NDUFS4: variants seen among roughly 807,000 people sequenced by gnomAD.
The protein encoded by NDUFS4 is NADH dehydrogenase [ubiquinone] iron-sulfur protein 4, mitochondrial.
NDUFS4 carries 28 observed loss-of-function variants against 24.3 expected under a neutral mutation model. The ratio of observed to expected loss-of-function variants is 1.15; its 90% CI spans 0.85 to 1.58. The LOEUF is 1.58. NDUFS4 is among the 40% of genes most tolerant of loss of function. NDUFS4 has a pLI of 0.00. For missense variants in NDUFS4, 223 were observed against 207.9 expected (o/e 1.07, Z -0.45); for synonymous variants, 93 against 69.7 (o/e 1.34, Z -1.67).
intron 4 of NDUFS4, among the ~76,000 whole-genome samples, chr5:53,669,286 C>T (rs576330428): frequency 6.6e-6 from 1 of 152,274 alleles, no homozygotes; most frequent in Admixed American, 6.5e-5. Context: ...CAAAGTTCTT[C>T]ACAATATAGG....
At chr5:53,560,815 G>C (rs1311306086) in intron 1 of NDUFS4, 55 bp downstream of exon 1, 1 of 1,611,508 alleles carries the variant, frequency 6.2e-7, no homozygotes, top group Admixed American at 1.7e-5. Context: ...CATTTTTGCG[G>C]AGTCTCTGCT....
chr5:53,617,361 A>G (rs1750872770), intron 2 of NDUFS4, among the ~76,000 whole-genome samples: 1 of 151,942 alleles, frequency 6.6e-6, no homozygotes, highest in Non-Finnish European at 1.5e-5. Flanking sequence ...TTTGCTGACT[A>G]TGTAGCTGTA....
intron 1 of NDUFS4, among the ~76,000 whole-genome samples, chr5:53,598,794 A>G (rs552761942): frequency 2.0e-4 from 30 of 152,344 alleles, no homozygotes; most frequent in African/African-American, 6.5e-4. Context: ...TTTTCAGGAT[A>G]TCTCTTTTTC....
intron 3 of NDUFS4, among the ~76,000 whole-genome samples, chr5:53,653,607 A>G (rs1219622948): frequency 6.6e-6 from 1 of 152,102 alleles, no homozygotes; most frequent in Non-Finnish European, 1.5e-5. Context: ...TAAGCGAGGA[A>G]TGTTACCAGT....
At chr5:53,610,728 A>T (rs1464113412) in intron 2 of NDUFS4, among the ~76,000 whole-genome samples, 1 of 152,154 alleles carries the variant, frequency 6.6e-6, no homozygotes, top group Non-Finnish European at 1.5e-5. Flanking sequence ...TTTCTGGGTT[A>T]AACATCGCCA....
At chr5:53,603,654 C>A in intron 2 of NDUFS4, 124 bp downstream of exon 2, 5 of 719,430 alleles carry the variant, frequency 6.9e-6, no homozygotes, top group South Asian at 6.5e-5. Flanking sequence ...CTAGATTATA[C>A]CTAAATTTTA....
rs372569034 is a variant in NDUFS4, at chr5:53,629,900, G to C, written c.178-16333G>C. On this transcript the variant is annotated intron_variant, in intron 2 of 4. Transcript: ENST00000296684. ...ACATTTAAGGTTAATATTGTTATGT[G>C]TGAATTTGATCCTGTCATTATGATG... Among the ~76,000 whole-genome samples, 8 of 152,254 alleles carry C rather than the reference G, an allele frequency of 5.3e-5. No individual in the cohort carries two copies. The South Asian group carries it at 1.7e-3, about 32-fold the overall frequency.
intron 4 of NDUFS4, among the ~76,000 whole-genome samples, chr5:53,665,365 A>T (rs1752481851): frequency 1.3e-5 from 2 of 152,282 alleles, no homozygotes; most frequent in Middle Eastern, 3.4e-3. Context: ...TCAGACAGGG[A>T]CATTTAAGTC....
At chr5:53,678,456 G>T (rs567962375) in intron 4 of NDUFS4, among the ~76,000 whole-genome samples, 1 of 152,258 alleles carries the variant, frequency 6.6e-6, no homozygotes, top group African/African-American at 2.4e-5. Flanking sequence ...TATCCCTAGG[G>T]CAGCTGTCTT....
intron 4 of NDUFS4, among the ~76,000 whole-genome samples, chr5:53,665,480 C>T (rs940325982): frequency 1.3e-5 from 2 of 152,216 alleles, no homozygotes; most frequent in East Asian, 1.9e-4. Flanking sequence ...CCACCCAGTT[C>T]GAGCTTCCTG....
chr5:53,589,540 C>T (rs1472289015), intron 1 of NDUFS4, among the ~76,000 whole-genome samples: 2 of 152,190 alleles, frequency 1.3e-5, no homozygotes, highest in African/African-American at 4.8e-5. Flanking sequence ...AAGTTACGTT[C>T]CTACACCTAA....
At chr5:53,627,993 A>T (rs912199000) in intron 2 of NDUFS4, among the ~76,000 whole-genome samples, 2 of 152,208 alleles carry the variant, frequency 1.3e-5, no homozygotes, top group Non-Finnish European at 2.9e-5. Flanking sequence ...GTTTTTGCCC[A>T]TTCAGTATGA....
intron 1 of NDUFS4, among the ~76,000 whole-genome samples, chr5:53,601,478 T>G (rs542590286): frequency 2.0e-5 from 3 of 152,196 alleles, no homozygotes; most frequent in African/African-American, 7.2e-5. Context: ...AATTAGGACA[T>G]AATCGTTTTA....
chr5:53,598,039 A>G (rs1361474463), intron 1 of NDUFS4, among the ~76,000 whole-genome samples: 1 of 152,232 alleles, frequency 6.6e-6, no homozygotes, highest in Non-Finnish European at 1.5e-5. Flanking sequence ...ATTACAAATT[A>G]AAACAACAAT....
intron 1 of NDUFS4, among the ~76,000 whole-genome samples, chr5:53,572,226 A>G (rs1340063302): frequency 1.3e-5 from 2 of 152,182 alleles, no homozygotes; most frequent in Admixed American, 6.5e-5. Context: ...CTGACTGACC[A>G]TTTGTCTTCA....
At chr5:53,677,891 T>C (rs1740529257) in intron 4 of NDUFS4, among the ~76,000 whole-genome samples, 1 of 152,214 alleles carries the variant, frequency 6.6e-6, no homozygotes, top group African/African-American at 2.4e-5. Flanking sequence ...GATTAGGTTA[T>C]TAGAGAAGAC....
chr5:53,658,803 A>C (rs201030670), intron 4 of NDUFS4, 179 bp downstream of exon 4: 8 of 582,300 alleles, frequency 1.4e-5, no homozygotes, highest in East Asian at 8.7e-5. Flanking sequence ...AAAAAAAAAA[A>C]ACCTAAATTG....
Position 53,631,734 on chromosome 5 carries a change from C to G in NDUFS4, c.178-14499C>G, listed in dbSNP as rs529087477. On this transcript the variant is annotated intron_variant, in intron 2 of 4. Transcript: ENST00000296684. Reference sequence around the variant, plus strand: ...GGCGGACTCCACTCCCACCACCAAGCTCCAGCATCCCAGGTCGATCTCAGA... The same window carrying G: ...GGCGGACTCCACTCCCACCACCAAGGTCCAGCATCCCAGGTCGATCTCAGA... Among the ~76,000 whole-genome samples, 5 of 152,344 alleles carry G rather than the reference C, an allele frequency of 3.3e-5. No homozygotes were observed. In the South Asian group the frequency reaches 1.0e-3, roughly 32 times the overall value.
chr5:53,653,635 T>G (rs1752083004), intron 3 of NDUFS4, among the ~76,000 whole-genome samples: 1 of 152,144 alleles, frequency 6.6e-6, no homozygotes, highest in African/African-American at 2.4e-5. Context: ...TTTCCTCCCC[T>G]GCTTACTACC....
Sources: gnomAD v4.1 joint callset for allele counts (sites outside exome capture counted in the v4.1 genomes callset) on GRCh38, gnomAD v4.1.1 for gene constraint, MANE v1.5 for transcripts, NCBI Gene and HGNC (gene_info 2026-07-23, HGNC 2026-07-21) for gene names.